CCNC: variants seen among roughly 807,000 people sequenced by gnomAD.
The protein encoded by CCNC is cyclin-C.
Under a neutral mutation model 50.0 loss-of-function variants are expected in CCNC, and 19 were observed. The observed-to-expected ratio is 0.38, with a 90% CI of 0.27 to 0.56. The LOEUF (loss-of-function observed/expected upper bound fraction) is 0.56, where lower values mean the gene tolerates loss of function less well. CCNC is among the 20% of genes least tolerant of loss of function. CCNC has a pLI of 0.72. For synonymous variants in CCNC, 93 were observed against 103.7 expected, an observed-to-expected ratio of 0.90 and a Z score of 0.63; for missense variants, 200 against 327.1, an observed-to-expected ratio of 0.61 and a Z score of 3.00.
intron 4 of CCNC, 96 bp downstream of exon 4, chr6:99,561,271 C>T: frequency 1.3e-6 from 1 of 799,006 alleles, no homozygotes; most frequent in East Asian, 2.4e-5. Flanking sequence ...CATAAATTAC[C>T]ATTTATTAAT....
chr6:99,553,198 TCTTTC>T (rs1346411722), intron 5 of CCNC, among the ~76,000 whole-genome samples: 1 of 152,196 alleles, frequency 6.6e-6, no homozygotes, highest in East Asian at 1.9e-4. Flanking sequence ...AAATTTATAA[TCTTTC>T]CTTTCTTCTC....
chr6:99,551,711 A>T, intron 6 of CCNC, 129 bp downstream of exon 6: 1 of 508,266 alleles, frequency 2.0e-6, no homozygotes, highest in Non-Finnish European at 3.1e-6. Flanking sequence ...TTTAATTTAG[A>T]ATAATGTCTG....
intron 5 of CCNC, among the ~76,000 whole-genome samples, chr6:99,553,386 T>C (rs1293498740): frequency 6.6e-6 from 1 of 152,148 alleles, no homozygotes; most frequent in Non-Finnish European, 1.5e-5. Flanking sequence ...CCTTGACACC[T>C]AACACCTCTA....
intron 4 of CCNC, 21 bp from the exon 5 acceptor site, chr6:99,558,569 ACATGTTAACC>A (rs1562492815): frequency 6.3e-7 from 1 of 1,590,992 alleles, no homozygotes; most frequent in Admixed American, 1.9e-5. Context: ...AAAAGCAGGT[ACATGTTAACC>A]CAATGAATCT....
At chr6:99,562,542 A>C in intron 2 of CCNC, 1 of 224,064 alleles carries the variant, frequency 4.5e-6, no homozygotes, top group Non-Finnish European at 8.6e-6. Flanking sequence ...AGAATCATTT[A>C]TCCTCAAAGT....
intron 9 of CCNC, chr6:99,549,172 G>A: frequency 2.8e-6 from 1 of 359,850 alleles, no homozygotes; most frequent in Non-Finnish European, 5.2e-6. Context: ...GGATATGAAA[G>A]CCCCAATTAT....
At chr6:99,568,704 C>G, upstream of CCNC, 2 of 1,457,186 alleles carry the variant, frequency 1.4e-6, no homozygotes, top group Non-Finnish European at 1.8e-6. Context: ...TCACGCCGGC[C>G]GACAACACTC....
chr6:99,564,841 T>TA (rs1769050486), intron 1 of CCNC, among the ~76,000 whole-genome samples: 2 of 152,150 alleles, frequency 1.3e-5, no homozygotes, highest in African/African-American at 2.4e-5. Flanking sequence ...TTCAAAACGA[T>TA]AAAAAACAAT....
At chr6:99,556,815 G>C (rs1274711730) in intron 5 of CCNC, among the ~76,000 whole-genome samples, 1 of 152,176 alleles carries the variant, frequency 6.6e-6, no homozygotes, top group African/African-American at 2.4e-5. Flanking sequence ...CAGCTACCAG[G>C]GAGGATGAGG....
chr6:99,549,159 T>C (rs1440241486), intron 9 of CCNC, among the ~76,000 whole-genome samples: 2 of 152,154 alleles, frequency 1.3e-5, no homozygotes, highest in East Asian at 3.9e-4. Flanking sequence ...TTGTTTGGGC[T>C]CAGGATATGA....
chr6:99,555,460 CAG>C (rs1802476378), intron 5 of CCNC, among the ~76,000 whole-genome samples: 1 of 151,018 alleles, frequency 6.6e-6, no homozygotes, highest in African/African-American at 2.4e-5. Flanking sequence ...TTTTTAGGGA[CAG>C]AGTCTTACTC....
rs1486912620 is a variant in CCNC at position 99,543,355 on chromosome 6, A to G, written c.*200T>C. 3 of 557,054 alleles carry G rather than the reference A, an allele frequency of 5.4e-6. No individual in the cohort carries two copies. The highest frequency in any genetic ancestry group is 1.9e-5 in the African/African-American group (1 of 52,932). The allele number at this position is 557,054 out of a possible 1,614,324, so 34.5% of individuals were successfully genotyped here. A position where few individuals can be genotyped will look rare whatever the true frequency, so the allele number is the denominator to read the frequency against. On this transcript the variant is annotated 3_prime_UTR_variant, in exon 12 of 12. Transcript: ENST00000520429. Reference sequence around the variant, plus strand: ...AGGTCCCCTTAGAACCTTTCCAAACATTTATAATCAAGAGATTTTAATCAA... The same window carrying G: ...AGGTCCCCTTAGAACCTTTCCAAACGTTTATAATCAAGAGATTTTAATCAA...
intron 6 of CCNC, 98 bp from the exon 7 acceptor site, chr6:99,551,126 T>TGTTAGATAAGTCCACTTAATCTAA: frequency 1.7e-6 from 1 of 605,486 alleles, no homozygotes; most frequent in Non-Finnish European, 2.3e-6. Flanking sequence ...TAGTAATTTA[T>TGTTAGATAAGTCCACTTAATCTAA]CAAAAATTTT....
At chr6:99,554,455 A>G (rs1350738586) in intron 5 of CCNC, among the ~76,000 whole-genome samples, 1 of 152,106 alleles carries the variant, frequency 6.6e-6, no homozygotes, top group Non-Finnish European at 1.5e-5. Flanking sequence ...TACATATATT[A>G]TTTGGAATTC....
At chr6:99,546,751 C>G (rs1802087830) in intron 9 of CCNC, among the ~76,000 whole-genome samples, 1 of 152,082 alleles carries the variant, frequency 6.6e-6, no homozygotes, top group Non-Finnish European at 1.5e-5. Flanking sequence ...GAAAAACATC[C>G]AATGAGGAGA....
chr6:99,564,278 A>G (rs1268122518), intron 1 of CCNC, among the ~76,000 whole-genome samples: 1 of 152,184 alleles, frequency 6.6e-6, no homozygotes, highest in Admixed American at 6.5e-5. Context: ...TACAAAAATT[A>G]GCTGGACGTG....
chr6:99,557,813 G>GA (rs11372284), intron 5 of CCNC: 52,360 of 128,080 alleles, frequency 0.41, 10,797 homozygotes, highest in East Asian at 0.57. Flanking sequence ...AAAAAAGAAA[G>GA]AAAAAAAAAA....
At chr6:99,550,349 A>T in intron 7 of CCNC, 40 bp from the exon 8 acceptor site, 1 of 1,363,250 alleles carries the variant, frequency 7.3e-7, no homozygotes, top group Non-Finnish European at 1.0e-6. Flanking sequence ...TAAAAAACAG[A>T]TTTATTACAA....
At chr6:99,551,169 CA>C in intron 6 of CCNC, 141 bp from the exon 7 acceptor site, 1 of 342,992 alleles carries the variant, frequency 2.9e-6, no homozygotes, top group Non-Finnish European at 5.1e-6. Context: ...AGACAATAAA[CA>C]TAGTTTATAT....
Sources: allele counts gnomAD v4.1 joint callset (sites outside exome capture counted in the v4.1 genomes callset), GRCh38; gene constraint gnomAD v4.1.1; transcripts MANE v1.5; gene names NCBI Gene and HGNC (gene_info 2026-07-23, HGNC 2026-07-21).